The following OSBPL10 variants were observed in gnomAD, a reference collection of about 807,000 sequenced individuals.
OSBPL10 encodes oxysterol-binding protein-related protein 10.
Under a neutral mutation model 81.7 loss-of-function variants are expected in OSBPL10, and 49 were observed. The observed-to-expected ratio is 0.60, with a 90% CI of 0.48 to 0.76. OSBPL10 has a LOEUF of 0.76. OSBPL10 is among the 30% of genes least tolerant of loss of function. The pLI, the probability that OSBPL10 is intolerant of heterozygous loss-of-function variation, is 0.00. For missense variants in OSBPL10, 923 were observed against 987.8 expected, an observed-to-expected ratio of 0.93 and a Z score of 0.88; for synonymous variants, 419 against 383.6, an observed-to-expected ratio of 1.09 and a Z score of -1.08.
intron 1 of OSBPL10, among the ~76,000 whole-genome samples, chr3:31,957,061 G>A (rs1559531637): frequency 6.6e-6 from 1 of 152,130 alleles, no homozygotes; most frequent in Admixed American, 6.5e-5. Flanking sequence ...CCTGAGCCCG[G>A]GAGGCAGAGG....
chr3:32,044,063 A>C (rs533737490), intron 2 of OSBPL10, among the ~76,000 whole-genome samples: 12 of 152,306 alleles, frequency 7.9e-5, no homozygotes, highest in African/African-American at 2.6e-4. Context: ...TACCAATGTA[A>C]CAAGCCTGAA....
At chr3:31,928,628 C>A (rs1697144419) in intron 1 of OSBPL10, among the ~76,000 whole-genome samples, 1 of 151,858 alleles carries the variant, frequency 6.6e-6, no homozygotes, top group African/African-American at 2.4e-5. Context: ...ATATAAAAAT[C>A]AGCCGGGCAT....
At chr3:31,778,111 G>A (rs994649459) in intron 4 of OSBPL10, among the ~76,000 whole-genome samples, 1 of 152,224 alleles carries the variant, frequency 6.6e-6, no homozygotes, top group East Asian at 1.9e-4. Context: ...TGAAAGCCAT[G>A]GTTGCTTTCT....
intron 1 of OSBPL10, among the ~76,000 whole-genome samples, chr3:32,055,091 A>G (rs1371223994): frequency 2.0e-5 from 3 of 152,042 alleles, no homozygotes; most frequent in African/African-American, 7.3e-5. Flanking sequence ...GACTAAGCTA[A>G]TAGAAGACTG....
At chr3:31,768,189 T>TA (rs1698259603) in intron 4 of OSBPL10, among the ~76,000 whole-genome samples, 1 of 152,158 alleles carries the variant, frequency 6.6e-6, no homozygotes, top group Non-Finnish European at 1.5e-5. Flanking sequence ...GAGTGTCTCT[T>TA]AGCATGTTAA....
At chr3:31,810,461 A>G (rs1021366541) in intron 4 of OSBPL10, among the ~76,000 whole-genome samples, 1 of 50,178 alleles carries the variant, frequency 2.0e-5, no homozygotes, top group Non-Finnish European at 3.7e-5. Flanking sequence ...CCAAATCTCT[A>G]AAGATTGACA....
intron 9 of OSBPL10, among the ~76,000 whole-genome samples, chr3:31,669,551 C>G (rs539533085): frequency 1.0e-3 from 153 of 152,310 alleles, no homozygotes; most frequent in Non-Finnish European, 1.4e-3. Context: ...GAGTCTCAGT[C>G]TCAATCAATA....
chr3:31,679,266 C>G (rs1700574908), intron 8 of OSBPL10, among the ~76,000 whole-genome samples: 1 of 152,202 alleles, frequency 6.6e-6, no homozygotes, highest in Admixed American at 6.5e-5. Flanking sequence ...CCTGCCCCAG[C>G]TTCACTCTCC....
chr3:31,771,745 G>A (rs920547184), intron 4 of OSBPL10, among the ~76,000 whole-genome samples: 4 of 152,072 alleles, frequency 2.6e-5, no homozygotes, highest in Admixed American at 6.5e-5. Flanking sequence ...CTTACATGTC[G>A]ACATATAGCT....
intron 5 of OSBPL10, among the ~76,000 whole-genome samples, chr3:31,734,025 A>T (rs1697071023): frequency 6.6e-6 from 1 of 152,014 alleles, no homozygotes; most frequent in Non-Finnish European, 1.5e-5. Flanking sequence ...AGAAAAAAAA[A>T]ATTCTAAATA....
chr3:31,862,493 T>C (rs867169494), intron 3 of OSBPL10, among the ~76,000 whole-genome samples: 15 of 152,262 alleles, frequency 9.9e-5, no homozygotes, highest in Middle Eastern at 3.4e-3. Flanking sequence ...GCTTTTTTTT[T>C]ATTTTCTAAA....
At chr3:31,712,929 T>TA (rs35310937) in intron 6 of OSBPL10, among the ~76,000 whole-genome samples, 67,075 of 152,116 alleles carry the variant, frequency 0.44, 17,521 homozygotes, top group Middle Eastern at 0.62. Context: ...ATTTCTTGCT[T>TA]ACGCACTGTT....
chr3:31,884,293 G>A (rs1695671894), intron 1 of OSBPL10, among the ~76,000 whole-genome samples: 1 of 152,154 alleles, frequency 6.6e-6, no homozygotes, highest in African/African-American at 2.4e-5. Flanking sequence ...TAGTTTCAAT[G>A]CAAATGCACA....
chr3:31,896,876 G>T (rs1224169068), intron 1 of OSBPL10, among the ~76,000 whole-genome samples: 6 of 152,180 alleles, frequency 3.9e-5, no homozygotes, highest in Non-Finnish European at 7.3e-5. Context: ...AGGGAGTTAA[G>T]GGTCCCTGGT....
At chr3:31,937,892 G>T (rs9866777) in intron 1 of OSBPL10, among the ~76,000 whole-genome samples, 4,752 of 152,168 alleles carry the variant, frequency 0.031, 261 homozygotes, top group African/African-American at 0.11. Context: ...AGTCCTCCCT[G>T]AGTCACCAAG....
intron 1 of OSBPL10, among the ~76,000 whole-genome samples, chr3:31,892,661 C>A (rs906156732): frequency 6.6e-6 from 1 of 152,194 alleles, no homozygotes; most frequent in Non-Finnish European, 1.5e-5. Context: ...CTCCTCCTAG[C>A]AATGCTGACC....
At chr3:31,722,612 G>A (rs1696681472) in intron 6 of OSBPL10, among the ~76,000 whole-genome samples, 2 of 151,892 alleles carry the variant, frequency 1.3e-5, no homozygotes, top group African/African-American at 4.8e-5. Context: ...TCTACTATAA[G>A]AAAAGTTCAC....
chr3:31,905,902 A>T (rs1037224816), intron 1 of OSBPL10, among the ~76,000 whole-genome samples: 1 of 151,770 alleles, frequency 6.6e-6, no homozygotes, highest in Non-Finnish European at 1.5e-5. Flanking sequence ...AAGGAAAAAA[A>T]AAAAAAGTGT....
upstream of OSBPL10, among the ~76,000 whole-genome samples, chr3:31,982,650 T>TAAA (rs34935064): frequency 5.1e-3 from 752 of 147,002 alleles, 12 homozygotes; most frequent in Admixed American, 0.035. Context: ...TACATAGTGT[T>TAAA]AAAAAAAAAA....
Sources: allele counts gnomAD v4.1 joint callset (sites outside exome capture counted in the v4.1 genomes callset), GRCh38; gene constraint gnomAD v4.1.1; transcripts MANE v1.5; gene names NCBI Gene and HGNC (gene_info 2026-07-23, HGNC 2026-07-21).